The following PCNX2 variants were observed in gnomAD, a reference collection of about 807,000 sequenced individuals.
PCNX2 encodes the protein pecanex-like protein 2.
In PCNX2, 168 loss-of-function variants were observed where a neutral mutation model predicts 223.8. That is an observed-to-expected ratio of 0.75 (90% CI 0.66 to 0.85). The LOEUF is 0.85. Among genes scored for constraint, PCNX2 ranks in the 40% least tolerant of loss-of-function variants. PCNX2 has a pLI of 0.00. For synonymous variants in PCNX2, 1,006 were observed against 1,052.6 expected (o/e 0.96, Z 0.86); for missense variants, 2,507 against 2,675.5 (o/e 0.94, Z 1.39).
intron 1 of PCNX2, among the ~76,000 whole-genome samples, chr1:233,294,898 A>G (rs1661979036): frequency 6.6e-6 from 1 of 151,998 alleles, no homozygotes; most frequent in Non-Finnish European, 1.5e-5. Flanking sequence ...TGAGGGGGGA[A>G]AAAGGGGACA....
At position 233,233,068 on chromosome 1, in the gene PCNX2, C is replaced by T. The variant is rs970415293; in HGVS notation, c.2358+3777G>A. ...TATGCTGCCCTTGGGTAGACTGCAC[C>T]TGCCTCTCAACCAGCAGTGTAATAA... On this transcript the variant is annotated intron_variant, in intron 9 of 33. Coordinates refer to ENST00000258229, the MANE Select transcript of PCNX2 (RefSeq NM_014801.4). 3.1e-6 allele frequency: 3 copies of T among 971,012 alleles called. No individual in the cohort carries two copies. In the African/African-American group the frequency reaches 5.3e-5, roughly 17 times the overall value. The allele number at this position is 971,012 out of a possible 1,614,324, so 60.1% of individuals were successfully genotyped here.
At position 233,233,424 on chromosome 1, in the gene PCNX2, C is replaced by G. The variant is rs796142922; in HGVS notation, c.2358+3421G>C. Among the ~76,000 whole-genome samples the G allele has an allele frequency of 2.7e-3, 376 of 140,346 alleles. 3 individuals carry two copies. Among genetic ancestry groups the G allele is most frequent in the African/African-American group, 9.5e-3 (353 of 37,326 alleles). 92.1% of individuals were successfully genotyped at this position (140,346 alleles called of 152,430 possible). On this transcript the variant is annotated intron_variant, in intron 9 of 33. Coordinates refer to ENST00000258229, the MANE Select transcript of PCNX2 (RefSeq NM_014801.4). The stretch of plus-strand genomic sequence containing the variant: ...CAATGAAAAATAACCTCCTCTTCTC[C>G]TGTGTGTGTGTGTGTGTGTGTGTGT...
chr1:233,098,289 G>C (rs1227441508), intron 21 of PCNX2, among the ~76,000 whole-genome samples: 1 of 152,176 alleles, frequency 6.6e-6, no homozygotes, highest in East Asian at 1.9e-4. Flanking sequence ...CTGCCCCAGG[G>C]AAAGCTTCAT....
the PCNX2 span, among the ~76,000 whole-genome samples, chr1:233,304,752 A>G: frequency 6.6e-6 from 1 of 152,212 alleles, no homozygotes; most frequent in Non-Finnish European, 1.5e-5. Context: ...TTGCAAAGCA[A>G]GGAAGGATTT....
chr1:233,224,760 C>A (rs1657597416), intron 10 of PCNX2, among the ~76,000 whole-genome samples: 1 of 152,068 alleles, frequency 6.6e-6, no homozygotes, highest in South Asian at 2.1e-4. Flanking sequence ...AACCAGATCA[C>A]CAATCCTGCT....
At chr1:233,203,014 C>T (rs1257392075) in intron 13 of PCNX2, among the ~76,000 whole-genome samples, 1 of 152,186 alleles carries the variant, frequency 6.6e-6, no homozygotes, top group Non-Finnish European at 1.5e-5. Flanking sequence ...AACCCATCTT[C>T]TATCTGCTGG....
At chr1:233,016,853 G>T in intron 27 of PCNX2, 68 bp downstream of exon 27, 1 of 1,557,132 alleles carries the variant, frequency 6.4e-7, no homozygotes, top group African/African-American at 1.3e-5. Context: ...AGAAAGAGAT[G>T]GACATGACAA....
intron 21 of PCNX2, among the ~76,000 whole-genome samples, chr1:233,097,371 A>G (rs1674235878): frequency 6.6e-6 from 1 of 152,096 alleles, no homozygotes; most frequent in African/African-American, 2.4e-5. Context: ...ATGAAAAATG[A>G]CAGGAAAACT....
chr1:233,163,284 A>G (rs1365899778), intron 17 of PCNX2, among the ~76,000 whole-genome samples: 2 of 152,116 alleles, frequency 1.3e-5, no homozygotes, highest in East Asian at 3.9e-4. Flanking sequence ...TCAGGAGCTC[A>G]AGACCAGCCT....
chr1:233,245,719 C>G (rs1659069565), intron 8 of PCNX2, among the ~76,000 whole-genome samples: 1 of 152,172 alleles, frequency 6.6e-6, no homozygotes, highest in African/African-American at 2.4e-5. Flanking sequence ...TTGAGACCAT[C>G]CTGGCTAACA....
At chr1:233,060,525 C>A (rs1007654478) in intron 23 of PCNX2, among the ~76,000 whole-genome samples, 1 of 152,216 alleles carries the variant, frequency 6.6e-6, no homozygotes, top group Non-Finnish European at 1.5e-5. Flanking sequence ...CACACATTCT[C>A]TAAGAGGGTG....
chr1:233,297,223 A>G (rs1356040465), upstream of PCNX2, among the ~76,000 whole-genome samples: 3 of 152,216 alleles, frequency 2.0e-5, no homozygotes, highest in African/African-American at 7.2e-5. Context: ...CTGTTCCCAC[A>G]TGGAGGTTGT....
At chr1:233,212,678 G>C (rs1681884475) in intron 12 of PCNX2, among the ~76,000 whole-genome samples, 1 of 152,246 alleles carries the variant, frequency 6.6e-6, no homozygotes, top group South Asian at 2.1e-4. Flanking sequence ...CAGTGAAAGA[G>C]AGCAGTAAGA....
chr1:233,291,521 T>A (rs1661762628), intron 1 of PCNX2: 2 of 276,904 alleles, frequency 7.2e-6, no homozygotes, highest in Non-Finnish European at 1.1e-5. Flanking sequence ...GGCAGGAGAA[T>A]CGCTTGAACC....
chr1:233,008,560 TG>T (rs902932625), intron 28 of PCNX2, among the ~76,000 whole-genome samples: 1 of 152,116 alleles, frequency 6.6e-6, no homozygotes. Context: ...AGTGCACAAG[TG>T]GGGTCTGCAG....
chr1:233,250,873 T>A, intron 7 of PCNX2, 41 bp from the exon 8 acceptor site: 2 of 1,531,886 alleles, frequency 1.3e-6, no homozygotes, highest in Non-Finnish European at 1.8e-6. Flanking sequence ...ATGACATAAT[T>A]ATTCATATAG....
In PCNX2 at chr1:233,139,564, G is replaced by A; in HGVS notation, c.3659+150C>T. The A allele has an allele frequency of 1.1e-6, 1 of 923,714 alleles. No homozygotes were observed. Among genetic ancestry groups the A allele is most frequent in the Non-Finnish European group, 1.6e-6 (1 of 624,422 alleles). The allele number at this position is 923,714 out of a possible 1,614,324, so 57.2% of individuals were successfully genotyped here. On this transcript the variant is annotated intron_variant, in intron 20 of 33. Coordinates refer to ENST00000258229, the MANE Select transcript of PCNX2 (RefSeq NM_014801.4). The surrounding 1 kb of genome is among the most constrained non-coding windows in gnomAD (Gnocchi z 4.4). ...TACAATAACTGTCTAGCTCCAGTGG[G>A]TTTTGAGTAAAAGACCACCATGGCT...
intron 15 of PCNX2, among the ~76,000 whole-genome samples, chr1:233,196,441 GA>G (rs559862341): frequency 1.2e-4 from 18 of 147,734 alleles, no homozygotes; most frequent in Admixed American, 3.4e-4. Flanking sequence ...GCCACAGCCT[GA>G]AAAAAAAAAT....
chr1:233,075,738 C>CA (rs754312177), intron 23 of PCNX2, among the ~76,000 whole-genome samples: 2 of 147,836 alleles, frequency 1.4e-5, no homozygotes, highest in Non-Finnish European at 3.0e-5. Context: ...CACACACACA[C>CA]AACAGAAAAG....
Sources: gnomAD v4.1 joint callset for allele counts (sites outside exome capture counted in the v4.1 genomes callset) on GRCh38, gnomAD v4.1.1 for gene constraint, Gnocchi (gnomAD v3.1) non-coding constraint, MANE v1.5 for transcripts, NCBI Gene and HGNC (gene_info 2026-07-23, HGNC 2026-07-21) for gene names.